The following HS3ST4 variants were observed in gnomAD, a reference collection of about 807,000 sequenced individuals.
The protein encoded by HS3ST4 is heparan sulfate-glucosamine 3-sulfotransferase 4, also known as heparan sulfate glucosamine 3-O-sulfotransferase 4.
HS3ST4 carries 17 observed loss-of-function variants against 29.2 expected under a neutral mutation model. That is an observed-to-expected ratio of 0.58 (90% CI 0.40 to 0.87). The LOEUF (loss-of-function observed/expected upper bound fraction) is 0.87, where lower values mean the gene tolerates loss of function less well. Ranked by LOEUF, HS3ST4 falls within the 40% of genes least tolerant of loss-of-function variation. The probability of loss-of-function intolerance (pLI) is 0.00; values close to 1 mark genes in which losing one functional copy is unlikely to be tolerated. For missense variants in HS3ST4, 627 were observed against 634.5 expected, an observed-to-expected ratio of 0.99 and a Z score of 0.13; for synonymous variants, 314 against 285.7, an observed-to-expected ratio of 1.10 and a Z score of -1.00.
intron 1 of HS3ST4, among the ~76,000 whole-genome samples, chr16:26,125,972 A>G (rs111367460): frequency 9.8e-5 from 15 of 152,364 alleles, no homozygotes; most frequent in African/African-American, 3.6e-4. Context: ...GAACAGATAA[A>G]TTACTCCTTA....
intron 1 of HS3ST4, among the ~76,000 whole-genome samples, chr16:25,762,814 C>T (rs1346617228): frequency 7.0e-6 from 1 of 142,060 alleles, no homozygotes; most frequent in Non-Finnish European, 1.5e-5. Context: ...GAGGTTGAGG[C>T]CGCAGTGAGC....
intron 1 of HS3ST4, among the ~76,000 whole-genome samples, chr16:25,785,661 G>A (rs766574810): frequency 6.6e-6 from 1 of 152,134 alleles, no homozygotes; most frequent in Non-Finnish European, 1.5e-5. Flanking sequence ...AGATTTGAAG[G>A]GTGAATAAGA....
chr16:26,099,842 T>C (rs78329678), intron 1 of HS3ST4, among the ~76,000 whole-genome samples: 9,154 of 152,054 alleles, frequency 0.06, 441 homozygotes, highest in Admixed American at 0.16. Context: ...CCTGCACATA[T>C]CAGTGGTGAT....
At chr16:26,027,464 C>T (rs1286693224) in intron 1 of HS3ST4, among the ~76,000 whole-genome samples, 14 of 152,216 alleles carry the variant, frequency 9.2e-5, no homozygotes, top group Non-Finnish European at 1.6e-4. Flanking sequence ...TCTACTTTGT[C>T]ATGTCATTAT....
At chr16:25,816,074 A>C (rs890298294) in intron 1 of HS3ST4, among the ~76,000 whole-genome samples, 1 of 152,224 alleles carries the variant, frequency 6.6e-6, no homozygotes, top group African/African-American at 2.4e-5. Context: ...AATAAAGGGA[A>C]TTTATTATAA....
At chr16:25,899,961 C>T (rs1175592671) in intron 1 of HS3ST4, among the ~76,000 whole-genome samples, 1 of 152,156 alleles carries the variant, frequency 6.6e-6, no homozygotes, top group Non-Finnish European at 1.5e-5. Context: ...CATGAAGCTG[C>T]CAGGCCAACC....
chr16:25,915,448 A>G (rs1430713113), intron 1 of HS3ST4, among the ~76,000 whole-genome samples: 1 of 152,186 alleles, frequency 6.6e-6, no homozygotes, highest in Non-Finnish European at 1.5e-5. Flanking sequence ...TTTTTGAGGA[A>G]CATATAGTAA....
At chr16:26,054,903 C>G (rs1898389335) in intron 1 of HS3ST4, among the ~76,000 whole-genome samples, 1 of 152,086 alleles carries the variant, frequency 6.6e-6, no homozygotes, top group Non-Finnish European at 1.5e-5. Flanking sequence ...TTTCGCTTCT[C>G]TTCAGCAGAG....
intron 1 of HS3ST4, among the ~76,000 whole-genome samples, chr16:26,079,220 C>T (rs866344982): frequency 8.5e-5 from 13 of 152,256 alleles, no homozygotes; most frequent in African/African-American, 2.4e-4. Flanking sequence ...TGCCTCTGCA[C>T]GATAAACGAC....
At chr16:25,736,237 GT>G (rs1966608913) in intron 1 of HS3ST4, among the ~76,000 whole-genome samples, 2 of 152,220 alleles carry the variant, frequency 1.3e-5, no homozygotes, top group Non-Finnish European at 2.9e-5. Flanking sequence ...GGAAGAACAT[GT>G]TTTTGAGGCT....
intron 1 of HS3ST4, among the ~76,000 whole-genome samples, chr16:25,767,321 G>T (rs1464883633): frequency 6.6e-6 from 1 of 152,066 alleles, no homozygotes; most frequent in African/African-American, 2.4e-5. Context: ...TCTTGGATTA[G>T]CCCAGGGACT....
At chr16:25,716,899 CAA>C (rs1237922344) in intron 1 of HS3ST4, among the ~76,000 whole-genome samples, 1 of 152,130 alleles carries the variant, frequency 6.6e-6, no homozygotes, top group African/African-American at 2.4e-5. Flanking sequence ...GCTAAAAATA[CAA>C]AAATTAGCCG....
intron 1 of HS3ST4, among the ~76,000 whole-genome samples, chr16:26,116,594 C>T (rs938408168): frequency 1.3e-5 from 2 of 152,078 alleles, no homozygotes; most frequent in African/African-American, 4.8e-5. Context: ...ATAGCAATAA[C>T]ATATGTAGCA....
chr16:25,936,315 A>C (rs541836047), intron 1 of HS3ST4, among the ~76,000 whole-genome samples: 2 of 152,332 alleles, frequency 1.3e-5, no homozygotes, highest in Admixed American at 1.3e-4. Context: ...TCAGATATGC[A>C]GATGATACAA....
chr16:25,828,242 C>CTTTTTCTG (rs1371928058), intron 1 of HS3ST4, among the ~76,000 whole-genome samples: 4,257 of 75,084 alleles, frequency 0.057, 495 homozygotes, highest in Middle Eastern at 0.093. Context: ...TTCTTTCTTT[C>CTTTTTCTG]TCTTTCTTTC....
At chr16:25,947,949 C>T (rs562061856) in intron 1 of HS3ST4, among the ~76,000 whole-genome samples, 2 of 152,266 alleles carry the variant, frequency 1.3e-5, no homozygotes, top group African/African-American at 2.4e-5. Flanking sequence ...CTACCTCCAT[C>T]GGGAGGATCA....
At chr16:25,902,295 T>C (rs1486935345) in intron 1 of HS3ST4, among the ~76,000 whole-genome samples, 4 of 151,898 alleles carry the variant, frequency 2.6e-5, no homozygotes, top group Non-Finnish European at 4.4e-5. Flanking sequence ...GATGGGAAGA[T>C]CGCTTGAGCC....
At chr16:25,804,747 T>C (rs1966973593) in intron 1 of HS3ST4, among the ~76,000 whole-genome samples, 1 of 152,056 alleles carries the variant, frequency 6.6e-6, no homozygotes, top group African/African-American at 2.4e-5. Flanking sequence ...CGCACAACAT[T>C]TTTTTCTAGG....
At chr16:26,104,979 C>A (rs1374710476) in intron 1 of HS3ST4, among the ~76,000 whole-genome samples, 1 of 152,174 alleles carries the variant, frequency 6.6e-6, no homozygotes, top group Non-Finnish European at 1.5e-5. Context: ...CCATCATCAC[C>A]TGATACTTTC....
Sources: allele counts gnomAD v4.1 joint callset (sites outside exome capture counted in the v4.1 genomes callset), GRCh38; gene constraint gnomAD v4.1.1; transcripts MANE v1.5; gene names NCBI Gene and HGNC (gene_info 2026-07-23, HGNC 2026-07-21).